The following KCTD21 variants were observed in gnomAD, a reference collection of about 807,000 sequenced individuals.
The protein encoded by KCTD21 is BTB/POZ domain-containing protein KCTD21.
Under a neutral mutation model 13.2 loss-of-function variants are expected in KCTD21, and 9 were observed. The ratio of observed to expected loss-of-function variants is 0.68; its 90% CI spans 0.41 to 1.19. The LOEUF is 1.19. Ranked by LOEUF, KCTD21 falls within the 50% of genes most tolerant of loss-of-function variation. KCTD21 has a pLI of 0.01. For missense variants in KCTD21, 303 were observed against 336.5 expected, an observed-to-expected ratio of 0.90 and a Z score of 0.78; for synonymous variants, 142 against 137.4, an observed-to-expected ratio of 1.03 and a Z score of -0.23.
chr11:78,187,765 CCAGA>C (rs1365150428), intron 1 of KCTD21: 19 of 985,318 alleles, frequency 1.9e-5, no homozygotes, highest in Non-Finnish European at 2.0e-5. Context: ...ACTGGTCCTG[CCAGA>C]CAATTTGCGA....
At chr11:78,177,199 T>A (rs896691838) in intron 1 of KCTD21, among the ~76,000 whole-genome samples, 1 of 152,180 alleles carries the variant, frequency 6.6e-6, no homozygotes, top group Non-Finnish European at 1.5e-5. Flanking sequence ...CATGCCAGTG[T>A]GAGAGATATT....
chr11:78,178,572 C>T (rs886968313), intron 1 of KCTD21, among the ~76,000 whole-genome samples: 2 of 152,192 alleles, frequency 1.3e-5, no homozygotes, highest in African/African-American at 2.4e-5. Flanking sequence ...ACTAACACCA[C>T]TGAGCCTCAG....
chr11:78,180,827 C>T (rs928260697), intron 1 of KCTD21, among the ~76,000 whole-genome samples: 11 of 152,176 alleles, frequency 7.2e-5, no homozygotes, highest in African/African-American at 2.4e-4. Context: ...TAATAATCCC[C>T]ATGTGTCAAG....
Position 78,174,403 on chromosome 11 carries a change from C to T in KCTD21, c.152G>A (p.Arg51His), listed in dbSNP as rs781287755. 122 of 1,613,894 alleles carry T rather than the reference C, an allele frequency of 7.6e-5. No individual in the cohort carries two copies. Among genetic ancestry groups the T allele is most frequent in the Non-Finnish European group, 3.6e-5 (42 of 1,180,030 alleles). The change falls in exon 2 of 2, where the codon CGT becomes CAT. Residue 51 changes from arginine (R) to histidine (H), a missense_variant. Arg to His is a conservative substitution (Grantham distance 29). Coordinates refer to ENST00000340067, the MANE Select transcript of KCTD21 (RefSeq NM_001029859.3). ...GATATAGCGGAACACTTTGCCGTCA[C>T]GGTCAATGAAGCAGTTGCCCTGGCT... The part of the protein sequence containing the change: ...RDSQGNCFID[R>H]DGKVFRYILN...
chr11:78,179,325 T>A (rs1487364250), intron 1 of KCTD21, among the ~76,000 whole-genome samples: 2 of 151,980 alleles, frequency 1.3e-5, no homozygotes, highest in Non-Finnish European at 2.9e-5. Flanking sequence ...TCTGCCCCTC[T>A]GCTACTTTGT....
At position 78,184,631 on chromosome 11, in the gene KCTD21, C is replaced by T. The variant is rs914934253; in HGVS notation, c.-30+3942G>A. 2.0e-5 allele frequency among the ~76,000 whole-genome samples: 3 copies of T among 152,114 alleles called. No individual in the cohort carries two copies. In the East Asian group the frequency reaches 5.8e-4, roughly 29 times the overall value. On this transcript the variant is annotated intron_variant, in intron 1 of 1. Coordinates refer to ENST00000340067, the MANE Select transcript of KCTD21 (RefSeq NM_001029859.3). ...GGATTACAGACATGAGCTACCATGC[C>T]AAGGGGCTCTATTTAGATTAAATGA...
At chr11:78,177,455 A>T (rs1352636299) in intron 1 of KCTD21, among the ~76,000 whole-genome samples, 1 of 152,108 alleles carries the variant, frequency 6.6e-6, no homozygotes, top group Non-Finnish European at 1.5e-5. Context: ...TGGTGTGGAG[A>T]TGGCTGTGAG....
chr11:78,179,835 C>T (rs573685582), intron 1 of KCTD21, among the ~76,000 whole-genome samples: 24 of 152,026 alleles, frequency 1.6e-4, no homozygotes, highest in African/African-American at 5.8e-4. Flanking sequence ...TATGAGTCAT[C>T]ACCTCTGTAC....
chr11:78,188,097 GC>G (rs1862852587), intron 1 of KCTD21: 1 of 985,252 alleles, frequency 1.0e-6, no homozygotes, highest in Non-Finnish European at 1.2e-6. Context: ...AGCGCGGCCG[GC>G]CCAGGGCTCT....
At chr11:78,175,506 C>A (rs959868668) in intron 1 of KCTD21, among the ~76,000 whole-genome samples, 1 of 152,128 alleles carries the variant, frequency 6.6e-6, no homozygotes, top group Non-Finnish European at 1.5e-5. Context: ...TAAATGCTTA[C>A]TAGCCAAAGA....
intron 1 of KCTD21, chr11:78,177,922 G>A (rs1254239851): frequency 6.6e-6 from 1 of 152,190 alleles, no homozygotes; most frequent in African/African-American, 2.4e-5. Flanking sequence ...TTCTCTGCTT[G>A]CAAAAGCAGC....
At position 78,172,025 on chromosome 11, in the gene KCTD21, A is replaced by G. The variant is rs1013699157; in HGVS notation, c.*1747T>C. 2 of 152,250 alleles carry G rather than the reference A, an allele frequency of 1.3e-5. No homozygotes were observed. The highest frequency in any genetic ancestry group is 2.9e-5 in the Non-Finnish European group (2 of 68,090). 9.4% of individuals were successfully genotyped at this position (152,250 alleles called of 1,614,324 possible). ...AGCTCCCTACTCACAGGGCCTATCTATGGGAAGCCCCTTTCTGGGCCCACC... is the reference window on the plus strand; with the variant it reads ...AGCTCCCTACTCACAGGGCCTATCTGTGGGAAGCCCCTTTCTGGGCCCACC... On this transcript the variant is annotated 3_prime_UTR_variant, in exon 2 of 2. Coordinates refer to ENST00000340067, the MANE Select transcript of KCTD21 (RefSeq NM_001029859.3).
At position 78,173,704 on chromosome 11, in the gene KCTD21, A is replaced by T; in HGVS notation, c.*68T>A. 3 of 1,332,780 alleles carry T rather than the reference A, an allele frequency of 2.3e-6. No individual in the cohort carries two copies. Among genetic ancestry groups the T allele is most frequent in the Non-Finnish European group, 3.1e-6 (3 of 954,456 alleles). The allele number at this position is 1,332,780 out of a possible 1,614,324, so 82.6% of individuals were successfully genotyped here. A position where few individuals can be genotyped will look rare whatever the true frequency, so the allele number is the denominator to read the frequency against. On this transcript the variant is annotated 3_prime_UTR_variant, in exon 2 of 2. Coordinates refer to ENST00000340067, the MANE Select transcript of KCTD21 (RefSeq NM_001029859.3). ...TCCCCTGCCTCGCACCACTGGCGAG[A>T]TGCCCTCCAAGACCTGGCTGACATG...
At chr11:78,187,115 G>T in intron 1 of KCTD21, 5 of 985,416 alleles carry the variant, frequency 5.1e-6, no homozygotes, top group Non-Finnish European at 6.0e-6. Flanking sequence ...CTGCGTAAGG[G>T]AATGGACAGC....
rs544307028 is a variant in KCTD21 at position 78,178,612 on chromosome 11, C to A, written c.-29-4029G>T. Among the ~76,000 whole-genome samples the A allele has an allele frequency of 6.6e-5, 10 of 152,290 alleles. No individual in the cohort carries two copies. The East Asian group carries it at 1.9e-3, about 29-fold the overall frequency. On this transcript the variant is annotated intron_variant, in intron 1 of 1. Transcript: ENST00000340067. Reference sequence around the variant, plus strand: ...CTATGTGTTCCCAGATGCCTCCTGGCCACCTCCACTTGGATATTCTGCAAG... The same window carrying A: ...CTATGTGTTCCCAGATGCCTCCTGGACACCTCCACTTGGATATTCTGCAAG...
rs556654488 is a variant in KCTD21, at chr11:78,188,319, G to A, written c.-30+254C>T. On this transcript the variant is annotated intron_variant, in intron 1 of 1. Transcript: ENST00000340067. ...CCCACAGTCCCGACCCTCATTATCC[G>A]GGCTTTTCCGACTATCACCATCCGC... is the stretch of plus-strand genomic sequence containing the variant. 328 of 972,742 alleles carry A rather than the reference G, an allele frequency of 3.4e-4. 1 individual carries two copies. Among genetic ancestry groups the A allele is most frequent in the South Asian group, 1.5e-3 (32 of 20,990 alleles). 60.3% of individuals were successfully genotyped at this position (972,742 alleles called of 1,614,324 possible).
At chr11:78,182,847 G>A (rs1314181584) in intron 1 of KCTD21, among the ~76,000 whole-genome samples, 3 of 152,196 alleles carry the variant, frequency 2.0e-5, no homozygotes, top group Admixed American at 2.0e-4. Context: ...CCTGGAGTAG[G>A]CAAGAGCTCT....
At chr11:78,175,576 C>T (rs1862427374) in intron 1 of KCTD21, among the ~76,000 whole-genome samples, 1 of 152,120 alleles carries the variant, frequency 6.6e-6, no homozygotes, top group Non-Finnish European at 1.5e-5. Context: ...AGTGCTCCTC[C>T]TTCTGTACCA....
chr11:78,184,069 C>A (rs1862703740), intron 1 of KCTD21, among the ~76,000 whole-genome samples: 1 of 152,184 alleles, frequency 6.6e-6, no homozygotes, highest in Non-Finnish European at 1.5e-5. Context: ...GAAAGGTTAT[C>A]AGGAACACAT....
Sources: gnomAD v4.1 joint callset for allele counts (sites outside exome capture counted in the v4.1 genomes callset) on GRCh38, gnomAD v4.1.1 for gene constraint, MANE v1.5 for transcripts, NCBI Gene and HGNC (gene_info 2026-07-23, HGNC 2026-07-21) for gene names.